AMN1: variants seen among roughly 807,000 people sequenced by gnomAD.
AMN1 encodes the protein protein AMN1 homolog.
In AMN1, 20 loss-of-function variants were observed where a neutral mutation model predicts 33.0. The ratio of observed to expected loss-of-function variants is 0.61; its 90% CI spans 0.43 to 0.88. The LOEUF (loss-of-function observed/expected upper bound fraction) is 0.88. Ranked by LOEUF, AMN1 falls within the 40% of genes least tolerant of loss-of-function variation. AMN1 has a pLI of 0.00. For synonymous variants in AMN1, 114 were observed against 111.9 expected, an observed-to-expected ratio of 1.02 and a Z score of -0.12; for missense variants, 246 against 307.4, an observed-to-expected ratio of 0.80 and a Z score of 1.49.
In AMN1 at chr12:31,697,351, T is replaced by A; in HGVS notation, c.591+10A>T. 6.2e-7 allele frequency: 1 copy of A among 1,608,806 alleles called. No individual in the cohort carries two copies. The highest frequency in any genetic ancestry group is 2.2e-5 in the East Asian group (1 of 44,768). On this transcript the variant is annotated intron_variant, in intron 5 of 6. Coordinates refer to ENST00000281471, the MANE Select transcript of AMN1 (RefSeq NM_001113402.2). ...AATCACCACCATCTTTATAATTGTT[T>A]TAAAATTACCTCTAATTTCTTCGCA...
chr12:31,724,532 CAT>C (rs1005100477), intron 1 of AMN1, among the ~76,000 whole-genome samples: 1 of 152,018 alleles, frequency 6.6e-6, no homozygotes, highest in Non-Finnish European at 1.5e-5. Context: ...TTCCATTTAA[CAT>C]ATATATATAT....
At chr12:31,696,053 G>A (rs1313562714) in intron 5 of AMN1, among the ~76,000 whole-genome samples, 3 of 151,450 alleles carry the variant, frequency 2.0e-5, no homozygotes, top group African/African-American at 7.2e-5. Flanking sequence ...GACCAGCCTA[G>A]CCAACATGGC....
intron 2 of AMN1, chr12:31,708,934 T>C (rs1270872949): frequency 2.7e-6 from 1 of 369,130 alleles, no homozygotes; most frequent in African/African-American, 2.1e-5. Context: ...TCCCAGCATT[T>C]TGAGAGGCTG....
chr12:31,718,881 T>G (rs755153774), intron 1 of AMN1, among the ~76,000 whole-genome samples: 2 of 152,240 alleles, frequency 1.3e-5, no homozygotes, highest in African/African-American at 4.8e-5. Flanking sequence ...AACCGCCTAC[T>G]CAAGCCTCAG....
In AMN1 at chr12:31,683,983, A is replaced by C. The variant is rs1246121413; in HGVS notation, c.703+5024T>G. On this transcript the variant is annotated intron_variant, in intron 6 of 6. Transcript: ENST00000281471. The surrounding 1 kb of genome is among the most constrained non-coding windows in gnomAD (Gnocchi z 4.1). ...AGCTGCCACTGTGATCTTGAAAGCTATCCAGGACCTTTCTAATGACATCAG... is the reference window on the plus strand; with the variant it reads ...AGCTGCCACTGTGATCTTGAAAGCTCTCCAGGACCTTTCTAATGACATCAG... 6.6e-6 allele frequency among the ~76,000 whole-genome samples: 1 copy of C among 152,236 alleles called. No individual in the cohort carries two copies. The highest frequency in any genetic ancestry group is 1.5e-5 in the Non-Finnish European group (1 of 68,036).
At position 31,675,193 on chromosome 12, in the gene AMN1, G is replaced by A. The variant is rs184401487; in HGVS notation, c.704-2816C>T. Among the ~76,000 whole-genome samples, 152 of 151,888 alleles carry A rather than the reference G, an allele frequency of 1.0e-3. 2 individuals carry two copies. The East Asian group carries it at 0.011, about 11-fold the overall frequency. On this transcript the variant is annotated intron_variant, in intron 6 of 6. Coordinates refer to ENST00000281471, the MANE Select transcript of AMN1 (RefSeq NM_001113402.2). ...AGCATTTTGGGAGGCCAAGGCGGGA[G>A]GATCACTTGAGCCCAGGAGTTCAAG...
chr12:31,723,293 G>A (rs114133472), intron 1 of AMN1, among the ~76,000 whole-genome samples: 1 of 152,220 alleles, frequency 6.6e-6, no homozygotes, highest in South Asian at 2.1e-4. Context: ...TCAGGTTATG[G>A]TTTCATGGTT....
rs1450473784 is a variant in AMN1, at chr12:31,687,472, T to C, written c.703+1535A>G. ...TTGGGAGGCTGGGGTGGGTGGATCA[T>C]GAGGTCAGGAGCCTGGCCTGACCAG... On this transcript the variant is annotated intron_variant, in intron 6 of 6. Transcript: ENST00000281471. This position sits in a 1 kb window ranked among gnomAD's most constrained non-coding sequence, Gnocchi z 4.1. 6.6e-6 allele frequency among the ~76,000 whole-genome samples: 1 copy of C among 151,984 alleles called. No homozygotes were observed. The highest frequency in any genetic ancestry group is 1.9e-4 in the East Asian group (1 of 5,156).
chr12:31,709,172 A>AT (rs1216350777), intron 2 of AMN1, 121 bp downstream of exon 2: 2 of 1,098,340 alleles, frequency 1.8e-6, no homozygotes, highest in Non-Finnish European at 2.6e-6. Context: ...ATGACCCTGT[A>AT]TAAAAAAAAA....
At chr12:31,676,475 GCC>G (rs1158642960) in intron 6 of AMN1, among the ~76,000 whole-genome samples, 1 of 150,694 alleles carries the variant, frequency 6.6e-6, no homozygotes, top group Non-Finnish European at 1.5e-5. Context: ...CCAGAATTTG[GCC>G]CCCCCAGCTA....
intron 1 of AMN1, among the ~76,000 whole-genome samples, chr12:31,712,364 T>C (rs1346340720): frequency 6.6e-6 from 1 of 151,590 alleles, no homozygotes; most frequent in Admixed American, 6.6e-5. Flanking sequence ...TCTCCTTCCT[T>C]GGCCTCCCAA....
Position 31,675,646 on chromosome 12 carries a change from A to G in AMN1, c.704-3269T>C, listed in dbSNP as rs144273856. On this transcript the variant is annotated intron_variant, in intron 6 of 6. Transcript: ENST00000281471. The stretch of plus-strand genomic sequence containing the variant: ...AGTAGCTGGGATTACAGGCGCCCGC[A>G]ACCACGCCCAGCTAATTTTTTGTAT... Among the ~76,000 whole-genome samples the G allele has an allele frequency of 8.3e-3, 1,252 of 151,428 alleles. 44 individuals carry two copies. Among genetic ancestry groups the G allele is most frequent in the African/African-American group, 0.029 (1,182 of 40,960 alleles).
At chr12:31,702,618 T>C (rs1565774449) in intron 2 of AMN1, among the ~76,000 whole-genome samples, 1 of 152,226 alleles carries the variant, frequency 6.6e-6, no homozygotes, top group Non-Finnish European at 1.5e-5. Context: ...TAAAATAAGG[T>C]ATTATTATTG....
chr12:31,727,440 C>CA, intron 1 of AMN1, among the ~76,000 whole-genome samples: 1 of 152,308 alleles, frequency 6.6e-6, no homozygotes, highest in East Asian at 1.9e-4. Context: ...ATTCTATTCC[C>CA]AATGACCTGG....
At chr12:31,717,177 C>T (rs1053729114) in intron 1 of AMN1, among the ~76,000 whole-genome samples, 3 of 152,158 alleles carry the variant, frequency 2.0e-5, no homozygotes, top group Admixed American at 6.6e-5. Context: ...CATCATTCAG[C>T]TCCACTTATG....
intron 1 of AMN1, among the ~76,000 whole-genome samples, chr12:31,716,389 C>G (rs1203191395): frequency 6.6e-6 from 1 of 152,136 alleles, no homozygotes; most frequent in African/African-American, 2.4e-5. Context: ...AGTGGAACTG[C>G]TGGCTCATAG....
At chr12:31,680,367 AT>A (rs1937951060) in intron 6 of AMN1, among the ~76,000 whole-genome samples, 1 of 151,456 alleles carries the variant, frequency 6.6e-6, no homozygotes, top group Non-Finnish European at 1.5e-5. Context: ...CGCCCGACTC[AT>A]TTCTGTATTT....
chr12:31,711,540 C>T (rs1939465930), intron 1 of AMN1, among the ~76,000 whole-genome samples: 1 of 152,146 alleles, frequency 6.6e-6, no homozygotes, highest in Non-Finnish European at 1.5e-5. Context: ...TATGCTTTTC[C>T]ATAAACAATC....
At chr12:31,709,192 AATG>A (rs925240140) in intron 2 of AMN1, 98 bp downstream of exon 2, 8 of 1,385,490 alleles carry the variant, frequency 5.8e-6, no homozygotes, top group Admixed American at 4.0e-5. Context: ...AAAAATTAAA[AATG>A]ATTACCAGTC....
Sources: allele counts gnomAD v4.1 joint callset (sites outside exome capture counted in the v4.1 genomes callset), GRCh38; gene constraint gnomAD v4.1.1; non-coding constraint Gnocchi (gnomAD v3.1); transcripts MANE v1.5; gene names NCBI Gene and HGNC (gene_info 2026-07-23, HGNC 2026-07-21).